The following INO80 variants were observed in gnomAD, a reference collection of about 807,000 sequenced individuals.
INO80 encodes the protein INO80 complex ATPase subunit.
A neutral mutation model predicts 203.4 loss-of-function variants in INO80; 20 were observed. That is an observed-to-expected ratio of 0.10 (90% confidence interval 0.07 to 0.14). INO80 has a LOEUF of 0.14. INO80 is among the 10% of genes least tolerant of loss of function. INO80 has a pLI of 1.00. For synonymous variants in INO80, 726 were observed against 685.2 expected, an observed-to-expected ratio of 1.06 and a Z score of -0.93; for missense variants, 1,419 against 1,914.4, an observed-to-expected ratio of 0.74 and a Z score of 4.83.
intron 29 of INO80, among the ~76,000 whole-genome samples, chr15:40,994,244 T>C (rs2043851012): frequency 6.6e-6 from 1 of 152,202 alleles, no homozygotes; most frequent in African/African-American, 2.4e-5. Context: ...CTTCAGATCT[T>C]GGCTCAAATG....
intron 10 of INO80, among the ~76,000 whole-genome samples, chr15:41,073,970 C>T (rs932075129): frequency 1.3e-5 from 2 of 152,138 alleles, no homozygotes; most frequent in Middle Eastern, 3.2e-3. Context: ...CCCAATTCCT[C>T]CCTCTCCTTG....
At chr15:41,047,621 C>G (rs1596290863) in intron 22 of INO80, 120 bp from the exon 23 acceptor site, 2 of 671,762 alleles carry the variant, frequency 3.0e-6, no homozygotes, top group Non-Finnish European at 5.0e-6. Flanking sequence ...AGGTTCTGAT[C>G]TAGCCACTTT....
chr15:40,980,725 A>G (rs1185861393), intron 35 of INO80, among the ~76,000 whole-genome samples: 2 of 152,248 alleles, frequency 1.3e-5, no homozygotes, highest in Admixed American at 6.5e-5. Context: ...TAGATAGAGC[A>G]CACATTTTAC....
chr15:41,065,314 T>C (rs778817455), intron 14 of INO80, among the ~76,000 whole-genome samples: 30 of 151,876 alleles, frequency 2.0e-4, no homozygotes, highest in Non-Finnish European at 3.8e-4. Context: ...GGTACACCCC[T>C]GTAGTCCCAG....
At chr15:41,013,752 A>G (rs1179094747) in intron 27 of INO80, among the ~76,000 whole-genome samples, 1 of 152,018 alleles carries the variant, frequency 6.6e-6, no homozygotes, top group African/African-American at 2.4e-5. Flanking sequence ...ATTTCATTTT[A>G]GTTTTTAAAA....
chr15:41,091,204 G>GT (rs1254191149), intron 5 of INO80, among the ~76,000 whole-genome samples: 2 of 152,224 alleles, frequency 1.3e-5, no homozygotes, highest in African/African-American at 2.4e-5. Context: ...GATTACAGGC[G>GT]TGAGTCACTG....
chr15:40,996,635 T>C (rs772547569), intron 29 of INO80, among the ~76,000 whole-genome samples: 5 of 152,222 alleles, frequency 3.3e-5, no homozygotes, highest in Non-Finnish European at 7.3e-5. Flanking sequence ...GGAATCCTCT[T>C]TTCTTCACCC....
intron 1 of INO80, 85 bp downstream of exon 1, chr15:41,115,888 G>A (rs1223891756): frequency 2.1e-5 from 8 of 377,058 alleles, no homozygotes; most frequent in East Asian, 1.5e-4. Flanking sequence ...TTTAAGACGC[G>A]GCCCAGTTGT....
chr15:41,103,579 C>T (rs909354930), intron 1 of INO80, among the ~76,000 whole-genome samples: 16 of 151,974 alleles, frequency 1.1e-4, no homozygotes, highest in South Asian at 4.1e-4. Flanking sequence ...TCAGTAGAGA[C>T]GGGATTTTAT....
chr15:41,053,598 C>T (rs573439981), intron 19 of INO80, among the ~76,000 whole-genome samples: 1 of 152,212 alleles, frequency 6.6e-6, no homozygotes, highest in South Asian at 2.1e-4. Flanking sequence ...AACAAATATT[C>T]ATTTATAAAA....
chr15:40,996,248 G>A (rs535452990), intron 29 of INO80, among the ~76,000 whole-genome samples: 106 of 152,164 alleles, frequency 7.0e-4, no homozygotes, highest in African/African-American at 2.3e-3. Context: ...TCCCATTTAC[G>A]TATTTTTAAA....
intron 24 of INO80, among the ~76,000 whole-genome samples, chr15:41,030,810 G>T (rs943906386): frequency 4.6e-5 from 7 of 151,910 alleles, no homozygotes; most frequent in Non-Finnish European, 7.4e-5. Flanking sequence ...GAGTAGCTGG[G>T]ATTACAGGTG....
intron 1 of INO80, among the ~76,000 whole-genome samples, chr15:41,104,446 TAC>T (rs2045853413): frequency 6.6e-6 from 1 of 152,144 alleles, no homozygotes; most frequent in African/African-American, 2.4e-5. Flanking sequence ...TTCAGAATCA[TAC>T]CCACATATAT....
At chr15:40,981,748 C>G (rs17716628) in intron 35 of INO80, among the ~76,000 whole-genome samples, 4,548 of 152,340 alleles carry the variant, frequency 0.03, 102 homozygotes, top group South Asian at 0.048. Context: ...ATCACGGTCA[C>G]AACAGCCACT....
chr15:41,026,534 CAG>C (rs2044377309), intron 25 of INO80, among the ~76,000 whole-genome samples: 1 of 151,570 alleles, frequency 6.6e-6, no homozygotes, highest in African/African-American at 2.4e-5. Context: ...GGCTGGGTAA[CAG>C]AGTGAAACCC....
In INO80 at chr15:41,116,240, G is replaced by A; in HGVS notation, c.-311C>T. The A allele has an allele frequency of 2.5e-6, 1 of 401,606 alleles. No homozygotes were observed. Among genetic ancestry groups the A allele is most frequent in the Non-Finnish European group, 4.4e-6 (1 of 228,684 alleles). The allele number at this position is 401,606 out of a possible 1,614,324, so 24.9% of individuals were successfully genotyped here. On this transcript the variant is annotated 5_prime_UTR_variant, in exon 1 of 36. Transcript: ENST00000648947. ...TTCACTCACTGAGAGGAGCGGAGCA[G>A]GGACACGGGGAGCCATGGCGGGGGG...
chr15:41,089,522 C>A (rs758598782), intron 5 of INO80, among the ~76,000 whole-genome samples: 1 of 152,018 alleles, frequency 6.6e-6, no homozygotes, highest in Admixed American at 6.6e-5. Flanking sequence ...GAGGCCGAGG[C>A]GGGTGGATCA....
intron 29 of INO80, among the ~76,000 whole-genome samples, chr15:40,989,493 G>C (rs2043789135): frequency 6.6e-6 from 1 of 152,118 alleles, no homozygotes; most frequent in Admixed American, 6.5e-5. Context: ...ACCAAATCCA[G>C]CCACTGCTTC....
At chr15:41,014,817 A>C (rs1311173876) in intron 27 of INO80, among the ~76,000 whole-genome samples, 7 of 152,202 alleles carry the variant, frequency 4.6e-5, no homozygotes. Context: ...AAAAAGCCTG[A>C]AAACCCTCCT....
Sources: allele counts gnomAD v4.1 joint callset (sites outside exome capture counted in the v4.1 genomes callset), GRCh38; gene constraint gnomAD v4.1.1; transcripts MANE v1.5; gene names NCBI Gene and HGNC (gene_info 2026-07-23, HGNC 2026-07-21).